The following SMYD3 variants were observed in gnomAD, a reference collection of about 807,000 sequenced individuals.
SMYD3 encodes SET and MYND domain containing 3.
In SMYD3, 36 loss-of-function variants were observed where a neutral mutation model predicts 57.7. The ratio of observed to expected loss-of-function variants is 0.62; its 90% CI spans 0.48 to 0.82. SMYD3 has a LOEUF of 0.82. Among genes scored for constraint, SMYD3 ranks in the 40% least tolerant of loss-of-function variants. The pLI is 0.00. For missense variants in SMYD3, 515 were observed against 538.8 expected (o/e 0.96, Z 0.44); for synonymous variants, 211 against 195.0 (o/e 1.08, Z -0.68).
At chr1:245,815,335 G>A (rs986402403) in intron 10 of SMYD3, among the ~76,000 whole-genome samples, 4 of 152,200 alleles carry the variant, frequency 2.6e-5, no homozygotes, top group Non-Finnish European at 5.9e-5. Context: ...TCATTCAGGG[G>A]TGCACACAGA....
At chr1:245,817,414 G>C (rs1319344012) in intron 10 of SMYD3, among the ~76,000 whole-genome samples, 1 of 149,282 alleles carries the variant, frequency 6.7e-6, no homozygotes, top group African/African-American at 2.5e-5. Context: ...CATCATCAAA[G>C]ACCAAAAGTA....
At chr1:246,149,896 CTCTG>C (rs1293279172) in intron 5 of SMYD3, among the ~76,000 whole-genome samples, 1 of 152,216 alleles carries the variant, frequency 6.6e-6, no homozygotes, top group Non-Finnish European at 1.5e-5. Context: ...CCAAAGATTC[CTCTG>C]TCTGCCATTT....
intron 5 of SMYD3, among the ~76,000 whole-genome samples, chr1:246,242,936 C>A (rs1298169136): frequency 6.6e-6 from 1 of 152,106 alleles, no homozygotes; most frequent in South Asian, 2.1e-4. Context: ...AATACAGAAG[C>A]ACCCAGATTA....
At chr1:246,297,145 G>C (rs190486218) in intron 5 of SMYD3, among the ~76,000 whole-genome samples, 2 of 152,204 alleles carry the variant, frequency 1.3e-5, no homozygotes, top group Non-Finnish European at 2.9e-5. Context: ...AGTAATAGTT[G>C]AATCTATTTA....
chr1:245,964,441 A>G (rs923229315), intron 5 of SMYD3, among the ~76,000 whole-genome samples: 1 of 152,246 alleles, frequency 6.6e-6, no homozygotes, highest in African/African-American at 2.4e-5. Context: ...TCTTTCAGCA[A>G]AAACTTACCA....
At chr1:246,329,518 G>A (rs1031621940) in intron 4 of SMYD3, among the ~76,000 whole-genome samples, 21 of 152,128 alleles carry the variant, frequency 1.4e-4, no homozygotes, top group Admixed American at 1.0e-3. Flanking sequence ...CATGTCCTTC[G>A]CCCACTTTTT....
At chr1:246,420,961 T>A (rs2067135143) in intron 1 of SMYD3, among the ~76,000 whole-genome samples, 1 of 152,208 alleles carries the variant, frequency 6.6e-6, no homozygotes, top group Non-Finnish European at 1.5e-5. Flanking sequence ...TTACTATATG[T>A]CAACACATAG....
At chr1:245,968,168 AACAGCGTTAGACC>A (rs2058202925) in intron 5 of SMYD3, among the ~76,000 whole-genome samples, 1 of 151,816 alleles carries the variant, frequency 6.6e-6, no homozygotes, top group African/African-American at 2.4e-5. Flanking sequence ...CTGCTGTCAG[AACAGCGTTAGACC>A]ACAGATCTGA....
At chr1:246,278,021 A>T (rs563434240) in intron 5 of SMYD3, among the ~76,000 whole-genome samples, 1 of 152,308 alleles carries the variant, frequency 6.6e-6, no homozygotes, top group South Asian at 2.1e-4. Context: ...TTAAATAAAA[A>T]GGTACAAAGA....
chr1:246,188,498 G>A (rs1174345868), intron 5 of SMYD3, among the ~76,000 whole-genome samples: 1 of 151,988 alleles, frequency 6.6e-6, no homozygotes, highest in Admixed American at 6.5e-5. Context: ...TCAAAATGTT[G>A]TGTAACCATG....
intron 5 of SMYD3, among the ~76,000 whole-genome samples, chr1:246,112,957 G>A (rs4609396): frequency 0.47 from 71,527 of 151,848 alleles, 20,790 homozygotes; most frequent in Non-Finnish European, 0.66. Flanking sequence ...TGTGGCAGGC[G>A]GATCATGAGG....
intron 8 of SMYD3, among the ~76,000 whole-genome samples, chr1:245,887,177 G>C (rs1003507839): frequency 2.0e-5 from 3 of 152,120 alleles, no homozygotes; most frequent in Non-Finnish European, 4.4e-5. Context: ...GATAAAACAG[G>C]TTGCAGTAAA....
intron 5 of SMYD3, among the ~76,000 whole-genome samples, chr1:246,238,422 C>G (rs2063545866): frequency 6.6e-6 from 1 of 152,150 alleles, no homozygotes; most frequent in African/African-American, 2.4e-5. Context: ...TCATTAAATT[C>G]TATTCCATAA....
intron 10 of SMYD3, among the ~76,000 whole-genome samples, chr1:245,765,177 G>A (rs1046284352): frequency 6.6e-6 from 1 of 150,576 alleles, no homozygotes; most frequent in Non-Finnish European, 1.5e-5. Flanking sequence ...CTTGAGCTTA[G>A]GAGTTTGAGA....
At position 245,813,860 on chromosome 1, in the gene SMYD3, CTATATATATA is replaced by C. The variant is rs6143718; in HGVS notation, c.1076+44626_1076+44635del. ...GTCATTTAGGTTAATTCATGGAGCC[CTATATATATA>C]TATATATATATATATATATATATAT... On this transcript the variant is annotated intron_variant, in intron 10 of 11. Transcript: ENST00000490107. 1.4e-3 allele frequency among the ~76,000 whole-genome samples: 202 copies of C among 146,974 alleles called. 1 individual carries two copies. Among genetic ancestry groups the C allele is most frequent in the African/African-American group, 5.0e-3 (190 of 38,142 alleles).
chr1:245,977,559 A>G (rs915206674), intron 5 of SMYD3, among the ~76,000 whole-genome samples: 4 of 152,234 alleles, frequency 2.6e-5, no homozygotes, highest in Admixed American at 6.5e-5. Context: ...CATGCCTGTA[A>G]TCCCAGCTAC....
intron 5 of SMYD3, among the ~76,000 whole-genome samples, chr1:246,097,149 G>A (rs1367259844): frequency 2.0e-5 from 3 of 152,146 alleles, no homozygotes; most frequent in Non-Finnish European, 4.4e-5. Flanking sequence ...ACGTCATTCT[G>A]ATCTCATGTT....
intron 1 of SMYD3, among the ~76,000 whole-genome samples, chr1:246,469,399 A>G (rs1443685240): frequency 6.6e-6 from 1 of 152,250 alleles, no homozygotes; most frequent in Non-Finnish European, 1.5e-5. Flanking sequence ...GGCTGAAACC[A>G]GGCTGAGAAG....
chr1:246,320,781 T>C (rs1002815551), intron 5 of SMYD3, among the ~76,000 whole-genome samples: 1 of 152,196 alleles, frequency 6.6e-6, no homozygotes, highest in Non-Finnish European at 1.5e-5. Flanking sequence ...CAAATTCTAC[T>C]GAAATTACGT....
Sources: allele counts gnomAD v4.1 joint callset (sites outside exome capture counted in the v4.1 genomes callset), GRCh38; gene constraint gnomAD v4.1.1; transcripts MANE v1.5; gene names NCBI Gene and HGNC (gene_info 2026-07-23, HGNC 2026-07-21).